The following LPA variants were observed in gnomAD, a reference collection of about 807,000 sequenced individuals.
LPA encodes apolipoprotein(a).
A neutral mutation model predicts 197.9 loss-of-function variants in LPA; 199 were observed. The observed-to-expected ratio is 1.01, with a 90% CI of 0.90 to 1.13. LPA has a LOEUF of 1.13. Ranked by LOEUF, LPA falls within the 50% of genes most tolerant of loss-of-function variation. The probability of loss-of-function intolerance (pLI) is 0.00; values close to 1 mark genes in which losing one functional copy is unlikely to be tolerated. For missense variants in LPA, 1,853 were observed against 1,785.8 expected, an observed-to-expected ratio of 1.04 and a Z score of -0.68; for synonymous variants, 715 against 639.5, an observed-to-expected ratio of 1.12 and a Z score of -1.78.
intron 16 of LPA, among the ~76,000 whole-genome samples, chr6:160,606,862 A>G (rs1034885940): frequency 6.6e-6 from 1 of 152,056 alleles, no homozygotes; most frequent in African/African-American, 2.4e-5. Context: ...GATTATTATT[A>G]TAAAAAAAAA....
intron 17 of LPA, among the ~76,000 whole-genome samples, chr6:160,605,726 G>T (rs550890284): frequency 2.6e-5 from 4 of 152,162 alleles, no homozygotes; most frequent in Non-Finnish European, 5.9e-5. Context: ...ACAGTCCTTC[G>T]TCTAGGACTG....
intron 16 of LPA, among the ~76,000 whole-genome samples, chr6:160,611,233 T>A (rs1779504996): frequency 6.6e-6 from 1 of 152,098 alleles, no homozygotes; most frequent in East Asian, 1.9e-4. Context: ...ATAACGGAAT[T>A]CCAACTGGAA....
chr6:160,566,742 G>A (rs1406419151), intron 28 of LPA, among the ~76,000 whole-genome samples: 3 of 152,152 alleles, frequency 2.0e-5, no homozygotes, highest in African/African-American at 7.2e-5. Context: ...GTATTCTGAA[G>A]ACACATCTCA....
chr6:160,534,503 A>G (rs1777855543), intron 37 of LPA, among the ~76,000 whole-genome samples: 3 of 152,148 alleles, frequency 2.0e-5, no homozygotes, highest in African/African-American at 2.4e-5. Context: ...GTGATTGCAG[A>G]TGAGACTTAC....
intron 38 of LPA, 119 bp downstream of exon 38, chr6:160,532,412 T>G (rs1777821045): frequency 1.2e-6 from 1 of 801,646 alleles, no homozygotes; most frequent in Admixed American, 1.7e-5. Flanking sequence ...TGAGCAACAC[T>G]TAGACTGGGG....
At chr6:160,649,334 C>T (rs961858659) in intron 2 of LPA, among the ~76,000 whole-genome samples, 11 of 152,104 alleles carry the variant, frequency 7.2e-5, no homozygotes, top group Admixed American at 5.9e-4. Context: ...ATGTTCTTTG[C>T]CCTACTTTCT....
In LPA at chr6:160,568,970, A is replaced by T. The variant is rs896219094; in HGVS notation, c.4631+8166T>A. ...AAGGAGAACTACAAACCACTGCTTAATGAAATAAAAGAGGACACAAACAAA... is the reference window on the plus strand; with the variant it reads ...AAGGAGAACTACAAACCACTGCTTATTGAAATAAAAGAGGACACAAACAAA... On this transcript the variant is annotated intron_variant, in intron 28 of 38. Coordinates refer to ENST00000316300, the MANE Select transcript of LPA (RefSeq NM_005577.4). Among the ~76,000 whole-genome samples, 18 of 152,328 alleles carry T rather than the reference A, an allele frequency of 1.2e-4. No individual in the cohort carries two copies. In the East Asian group the frequency reaches 3.5e-3, roughly 29 times the overall value.
chr6:160,568,460 T>C lies in LPA; in HGVS notation c.4631+8676A>G, dbSNP rs561592094. On this transcript the variant is annotated intron_variant, in intron 28 of 38. Transcript: ENST00000316300. ...ACAGCTCTCCATGCTGAACTCTCAATAAACTATGTATTGATGGGACATATC... is the reference window on the plus strand; with the variant it reads ...ACAGCTCTCCATGCTGAACTCTCAACAAACTATGTATTGATGGGACATATC... 4.3e-4 allele frequency among the ~76,000 whole-genome samples: 66 copies of C among 152,280 alleles called. 2 individuals are homozygous for C. The South Asian group carries it at 0.013, about 31-fold the overall frequency.
At chr6:160,590,851 G>A (rs536483099) in intron 23 of LPA, 93 bp downstream of exon 23, 21 of 1,525,202 alleles carry the variant, frequency 1.4e-5, no homozygotes, top group Middle Eastern at 1.7e-4. Flanking sequence ...TCAGATTCCC[G>A]TGCAGCATGG....
intron 20 of LPA, among the ~76,000 whole-genome samples, chr6:160,597,437 G>T (rs1057059154): frequency 6.6e-6 from 1 of 152,170 alleles, no homozygotes; most frequent in African/African-American, 2.4e-5. Context: ...ATGCTCGTGT[G>T]GCTCTAGGAT....
intron 24 of LPA, 24 bp from the exon 25 acceptor site, chr6:160,586,654 G>T (rs779973027): frequency 2.2e-5 from 36 of 1,613,160 alleles, no homozygotes; most frequent in Non-Finnish European, 2.9e-5. Flanking sequence ...AACAATACAG[G>T]TCACCAGAGA....
At chr6:160,610,249 C>G (rs758466682) in intron 16 of LPA, among the ~76,000 whole-genome samples, 10 of 152,122 alleles carry the variant, frequency 6.6e-5, no homozygotes, top group Non-Finnish European at 1.2e-4. Context: ...TTGTTTACTT[C>G]TGAAGAGAGT....
intron 33 of LPA, among the ~76,000 whole-genome samples, chr6:160,543,606 C>A (rs1206894956): frequency 2.0e-5 from 3 of 152,144 alleles, no homozygotes; most frequent in Admixed American, 2.0e-4. Flanking sequence ...AAAAAAGAAG[C>A]ATGGCATGGA....
intron 1 of LPA, among the ~76,000 whole-genome samples, chr6:160,653,449 C>T (rs570878172): frequency 6.6e-6 from 1 of 152,068 alleles, no homozygotes; most frequent in Non-Finnish European, 1.5e-5. Context: ...CGCTCAACAA[C>T]AGAAGAAGAC....
chr6:160,585,661 G>A (rs536884178), intron 25 of LPA, among the ~76,000 whole-genome samples: 1 of 152,178 alleles, frequency 6.6e-6, no homozygotes, highest in South Asian at 2.1e-4. Context: ...TTCAGATTCT[G>A]GGGTGTGGGG....
Position 160,557,903 on chromosome 6 carries a change from T to C in LPA, c.4632-332A>G, listed in dbSNP as rs140294340. Among the ~76,000 whole-genome samples the C allele has an allele frequency of 1.3e-3, 202 of 152,240 alleles. 1 individual carries two copies. The Middle Eastern group carries it at 0.014, about 10-fold the overall frequency. ...TTCCTCCAGAATAAATGACATAGAT[T>C]TTGAAGAGTGCATTTTAGATTTTTT... is the stretch of plus-strand genomic sequence containing the variant. On this transcript the variant is annotated intron_variant, in intron 28 of 38. Coordinates refer to ENST00000316300, the MANE Select transcript of LPA (RefSeq NM_005577.4).
rs778727661 is a variant in LPA at position 160,590,942 on chromosome 6, A to G, written c.3787+2T>C. On this transcript the variant is annotated splice_donor_variant, in intron 23 of 38. Transcript: ENST00000316300. LOFTEE classifies it high-confidence loss of function. ...GTGGTTGTCTGGCCAGAGACTTCTT[A>G]CCTTGTTCAGAAACAGCCGTGGACG... The G allele has an allele frequency of 6.2e-7, 1 of 1,613,918 alleles. No individual in the cohort carries two copies. Among genetic ancestry groups the G allele is most frequent in the South Asian group, 1.1e-5 (1 of 91,082 alleles).
In LPA at chr6:160,605,926, T is replaced by G. The variant is rs1779340380; in HGVS notation, c.2785+551A>C. On this transcript the variant is annotated intron_variant, in intron 17 of 38. Coordinates refer to ENST00000316300, the MANE Select transcript of LPA (RefSeq NM_005577.4). ...CGGGGCAGTCACTCACTTAAAAACC[T>G]AGGGCTGCAGAGCCCACCTATGACT... Among the ~76,000 whole-genome samples the G allele has an allele frequency of 2.0e-5, 3 of 152,142 alleles. No homozygotes were observed. The South Asian group carries it at 6.2e-4, about 31-fold the overall frequency.
intron 30 of LPA, among the ~76,000 whole-genome samples, chr6:160,553,954 T>TGTGTGTGCGCGCGCGC (rs771903485): frequency 1.2e-3 from 153 of 130,792 alleles, no homozygotes; most frequent in African/African-American, 4.4e-3. Context: ...TGTGTGTGTG[T>TGTGTGTGCGCGCGCGC]GCGCGCGCGC....
Sources: gnomAD v4.1 joint callset for allele counts (sites outside exome capture counted in the v4.1 genomes callset) on GRCh38, gnomAD v4.1.1 for gene constraint, MANE v1.5 for transcripts, NCBI Gene and HGNC (gene_info 2026-07-23, HGNC 2026-07-21) for gene names.